PIGN: variants seen among roughly 807,000 people sequenced by gnomAD.
The protein encoded by PIGN is phosphatidylinositol glycan anchor biosynthesis class N.
A neutral mutation model predicts 125.4 loss-of-function variants in PIGN; 117 were observed. That is an observed-to-expected ratio of 0.93 (90% CI 0.80 to 1.09). The LOEUF is 1.09. Among genes scored for constraint, PIGN ranks in the 50% least tolerant of loss-of-function variants. PIGN has a pLI of 0.00. For synonymous variants in PIGN, 392 were observed against 377.8 expected (o/e 1.04, Z -0.44); for missense variants, 1,075 against 1,094.9 (o/e 0.98, Z 0.26).
chr18:62,172,678 C>A (rs2037382324), intron 1 of PIGN, among the ~76,000 whole-genome samples: 1 of 152,100 alleles, frequency 6.6e-6, no homozygotes. Context: ...TCTTTCTTGT[C>A]CCATTTGCCA....
downstream of PIGN, among the ~76,000 whole-genome samples, chr18:62,038,919 AAATAATAATAATAATAATAAT>A (rs10601031): frequency 0.01 from 1,469 of 144,770 alleles, 56 homozygotes; most frequent in East Asian, 0.073. Context: ...CCCTGTCTCA[AAATAATAATAATAATAATAAT>A]AATAATAATA....
At position 62,114,754 on chromosome 18, in the gene PIGN, C is replaced by G. The variant is rs1283497615; in HGVS notation, c.1173-115G>C. 6.0e-6 allele frequency: 3 copies of G among 498,584 alleles called. No individual in the cohort carries two copies. In the African/African-American group the frequency reaches 6.0e-5, roughly 10 times the overall value. The allele number at this position is 498,584 out of a possible 1,614,324, so 30.9% of individuals were successfully genotyped here. A position where few individuals can be genotyped will look rare whatever the true frequency, so the allele number is the denominator to read the frequency against. On this transcript the variant is annotated intron_variant, in intron 14 of 30. Coordinates refer to ENST00000640252, the MANE Select transcript of PIGN (RefSeq NM_176787.5). ...GAAAATTACAAAACAGCAAACAAAA[C>G]AAAAATCAAAGAAAAAAACCTGAAT...
chr18:62,052,348 T>A (rs2031369378), intron 30 of PIGN: 1 of 151,106 alleles, frequency 6.6e-6, no homozygotes, highest in Non-Finnish European at 1.5e-5. Context: ...AGTCTCTTTG[T>A]AGGTCACTCA....
At position 62,067,383 on chromosome 18, in the gene PIGN, C is replaced by T. The variant is rs535935381; in HGVS notation, c.2672+5290G>A. Among the ~76,000 whole-genome samples, 13 of 152,208 alleles carry T rather than the reference C, an allele frequency of 8.5e-5. No individual in the cohort carries two copies. The East Asian group carries it at 1.2e-3, about 14-fold the overall frequency. On this transcript the variant is annotated intron_variant, in intron 30 of 30. Coordinates refer to ENST00000640252, the MANE Select transcript of PIGN (RefSeq NM_176787.5). Reference sequence around the variant, plus strand: ...GAACCATTTTAAATGTCCAGTTAGCCGATTATTGACAAATGCTACATCCAT... The same window carrying T: ...GAACCATTTTAAATGTCCAGTTAGCTGATTATTGACAAATGCTACATCCAT...
At chr18:62,169,470 A>C (rs1226258450) in intron 1 of PIGN, among the ~76,000 whole-genome samples, 8 of 97,266 alleles carry the variant, frequency 8.2e-5, no homozygotes. Flanking sequence ...TTATTTTTTT[A>C]TTATTTTTTT....
At chr18:62,059,717 TG>T (rs1157359861) in intron 30 of PIGN, among the ~76,000 whole-genome samples, 1 of 152,170 alleles carries the variant, frequency 6.6e-6, no homozygotes, top group Admixed American at 6.5e-5. Flanking sequence ...AAAAATAGAT[TG>T]TGATGGTTGC....
chr18:62,174,654 T>C (rs570149132), intron 1 of PIGN, among the ~76,000 whole-genome samples: 2 of 152,266 alleles, frequency 1.3e-5, no homozygotes, highest in South Asian at 4.1e-4. Context: ...CATTATCCAA[T>C]AGAAGCTTAT....
chr18:62,172,994 T>C (rs1365204025), intron 1 of PIGN, among the ~76,000 whole-genome samples: 4 of 152,164 alleles, frequency 2.6e-5, no homozygotes, highest in African/African-American at 9.7e-5. Context: ...ATACTAAAAA[T>C]AACTAGATTG....
chr18:62,073,217 G>C (rs2145730735), intron 29 of PIGN, among the ~76,000 whole-genome samples: 1 of 151,572 alleles, frequency 6.6e-6, no homozygotes, highest in East Asian at 1.9e-4. Context: ...GGGGGGGATG[G>C]AGGGAGTGTT....
At chr18:62,055,055 C>T (rs566690728) in intron 30 of PIGN, among the ~76,000 whole-genome samples, 98 of 152,168 alleles carry the variant, frequency 6.4e-4, no homozygotes, top group Non-Finnish European at 1.3e-3. Flanking sequence ...CAAATGCTGG[C>T]AAGGATGCAG....
Position 62,107,035 on chromosome 18 carries a change from C to T in PIGN, c.1625G>A (p.Ser542Asn). The T allele has an allele frequency of 1.3e-6, 2 of 1,591,714 alleles. No homozygotes were observed. The highest frequency in any genetic ancestry group is 1.7e-6 in the Non-Finnish European group (2 of 1,168,706). ...GGCTAACAGGTACCCAACAAAATGG[C>T]TCAGAGGATAGGTCAACACTGATAC... ...LVVSVLTYPL[S>N]HFVGYLLAFT... The change falls in exon 18 of 31, where the codon AGC (serine) becomes AAC (asparagine). Residue 542 changes from serine to asparagine, a missense_variant. Ser to Asn is a conservative substitution (Grantham distance 46). Transcript: ENST00000640252.
intron 29 of PIGN, 89 bp from the exon 30 acceptor site, chr18:62,072,814 T>C: frequency 1.1e-6 from 1 of 907,944 alleles, no homozygotes; most frequent in Non-Finnish European, 1.7e-6. Context: ...ATGTTTCAGA[T>C]TTCTGACTCT....
intron 6 of PIGN, among the ~76,000 whole-genome samples, chr18:62,156,315 A>G: frequency 6.6e-6 from 1 of 152,264 alleles, no homozygotes; most frequent in Middle Eastern, 3.4e-3. Context: ...AGGAATTATA[A>G]CTATATATTT....
At chr18:62,121,264 T>C (rs1483957607) in intron 14 of PIGN, among the ~76,000 whole-genome samples, 1 of 152,158 alleles carries the variant, frequency 6.6e-6, no homozygotes, top group African/African-American at 2.4e-5. Flanking sequence ...GAAAAGTTGT[T>C]CTAGTAAGTC....
chr18:62,061,987 C>A (rs1451120912), intron 30 of PIGN, among the ~76,000 whole-genome samples: 1 of 152,150 alleles, frequency 6.6e-6, no homozygotes, highest in Non-Finnish European at 1.5e-5. Context: ...GATGCATGAA[C>A]CACTCCTGCC....
At chr18:62,040,332 C>T, downstream of PIGN, among the ~76,000 whole-genome samples, 1 of 152,304 alleles carries the variant, frequency 6.6e-6, no homozygotes, top group Non-Finnish European at 1.5e-5. Context: ...ATGCAGTGGT[C>T]ATGTCTCTAC....
At chr18:62,166,346 G>C (rs1271263602) in intron 1 of PIGN, among the ~76,000 whole-genome samples, 1 of 152,166 alleles carries the variant, frequency 6.6e-6, no homozygotes, top group Non-Finnish European at 1.5e-5. Context: ...TCTGAAGTAG[G>C]CCCCTCCTCC....
chr18:62,112,003 C>T (rs963660577), intron 16 of PIGN, among the ~76,000 whole-genome samples: 2 of 152,158 alleles, frequency 1.3e-5, no homozygotes, highest in East Asian at 1.9e-4. Context: ...CTCTGGCCCA[C>T]GACTGCTCTG....
At chr18:62,069,950 A>G (rs990313819) in intron 30 of PIGN, 1 of 152,904 alleles carries the variant, frequency 6.5e-6, no homozygotes, top group African/African-American at 2.4e-5. Context: ...AATTCTGACC[A>G]ATGTCTAAAA....
Sources: gnomAD v4.1 joint callset for allele counts (sites outside exome capture counted in the v4.1 genomes callset) on GRCh38, gnomAD v4.1.1 for gene constraint, MANE v1.5 for transcripts, NCBI Gene and HGNC (gene_info 2026-07-23, HGNC 2026-07-21) for gene names.